The following GLCCI1 variants were observed in gnomAD, a reference collection of about 807,000 sequenced individuals.
GLCCI1 encodes glucocorticoid induced 1.
GLCCI1 carries 24 observed loss-of-function variants against 52.2 expected under a neutral mutation model. The observed-to-expected ratio is 0.46, with a 90% confidence interval of 0.33 to 0.65. GLCCI1 has a LOEUF of 0.65. GLCCI1 is among the 30% of genes least tolerant of loss of function. GLCCI1 has a pLI of 0.02. For synonymous variants in GLCCI1, 310 were observed against 276.5 expected (o/e 1.12, Z -1.20); for missense variants, 704 against 701.5 (o/e 1.00, Z -0.04).
rs779808284 is a variant in GLCCI1, at chr7:8,070,996, A to T, written c.1042A>T (p.Thr348Ser). 6.2e-7 allele frequency: 1 copy of T among 1,614,130 alleles called. No individual in the cohort carries two copies. Among genetic ancestry groups the T allele is most frequent in the Non-Finnish European group, 8.5e-7 (1 of 1,180,012 alleles). Residue 348 changes from threonine (T) to serine (S), a missense_variant, in exon 6 of 8, where the codon ACT (threonine) becomes TCT (serine). By Grantham distance (58) the Thr-to-Ser change is moderately conservative. Around this residue, in one of 3 missense-constraint regions of GLCCI1, gnomAD observed 547 missense variants for 524.8 expected, o/e 1.04. Transcript: ENST00000223145. ...YRSSSTRSID[T>S]QTPSVQERSS... is the part of the protein sequence containing the mutation. ...GAGCAGTAGTACTCGCAGCATTGACACTCAGACTCCTTCTGTCCAGGAGCG... is the reference window on the plus strand; with the variant it reads ...GAGCAGTAGTACTCGCAGCATTGACTCTCAGACTCCTTCTGTCCAGGAGCG...
At chr7:8,036,388 C>G (rs537611510) in intron 3 of GLCCI1, among the ~76,000 whole-genome samples, 3 of 152,116 alleles carry the variant, frequency 2.0e-5, no homozygotes, top group East Asian at 1.9e-4. Context: ...TAGTCTCATC[C>G]TTAAGATGGA....
chr7:8,057,080 C>T (rs1426630226), intron 4 of GLCCI1, among the ~76,000 whole-genome samples: 1 of 152,136 alleles, frequency 6.6e-6, no homozygotes, highest in African/African-American at 2.4e-5. Flanking sequence ...ACAACCAGAA[C>T]AGCCACACAT....
chr7:8,068,654 G>C (rs1782686595), intron 5 of GLCCI1, among the ~76,000 whole-genome samples: 1 of 151,834 alleles, frequency 6.6e-6, no homozygotes, highest in South Asian at 2.1e-4. Flanking sequence ...ATTCCAACCT[G>C]TTTAAGAACC....
chr7:8,085,709 T>C (rs1285719940), intron 7 of GLCCI1, among the ~76,000 whole-genome samples: 1 of 140,432 alleles, frequency 7.1e-6, no homozygotes, highest in East Asian at 2.1e-4. Context: ...TCTGTTGAAT[T>C]GACTGGCTTT....
intron 4 of GLCCI1, among the ~76,000 whole-genome samples, chr7:8,059,164 G>A (rs1054408337): frequency 6.6e-6 from 1 of 152,046 alleles, no homozygotes; most frequent in Non-Finnish European, 1.5e-5. Flanking sequence ...TGTTGTTCGA[G>A]GGTCAACAGT....
At chr7:8,079,099 A>T (rs1782936407) in intron 6 of GLCCI1, among the ~76,000 whole-genome samples, 1 of 152,170 alleles carries the variant, frequency 6.6e-6, no homozygotes, top group Non-Finnish European at 1.5e-5. Context: ...TAGAAGTTCC[A>T]ATGTTCTTTT....
At chr7:8,021,676 T>G (rs1247105304) in intron 2 of GLCCI1, among the ~76,000 whole-genome samples, 1 of 152,256 alleles carries the variant, frequency 6.6e-6, no homozygotes, top group Non-Finnish European at 1.5e-5. Context: ...GTGCTGGGAT[T>G]ACAGGTGTGA....
intron 1 of GLCCI1, among the ~76,000 whole-genome samples, chr7:7,988,313 A>C (rs986163123): frequency 1.3e-5 from 2 of 152,092 alleles, no homozygotes; most frequent in African/African-American, 2.4e-5. Flanking sequence ...GTTTTTTACT[A>C]TCAGGTGTAT....
rs572080987 is a variant in GLCCI1 at position 8,075,749 on chromosome 7, C to T, written c.1177+4618C>T. Among the ~76,000 whole-genome samples, 158 of 152,262 alleles carry T rather than the reference C, an allele frequency of 1.0e-3. 2 individuals carry two copies. Among genetic ancestry groups the T allele is most frequent in the African/African-American group, 3.7e-3 (152 of 41,542 alleles). ...ATTGTAATCATGAAATAAATGGAAT[C>T]GTTTGATTCAGGCCAACTACTGAGT... On this transcript the variant is annotated intron_variant, in intron 6 of 7. Coordinates refer to ENST00000223145, the MANE Select transcript of GLCCI1 (RefSeq NM_138426.4).
At chr7:8,012,345 AG>A (rs1315891071) in intron 2 of GLCCI1, among the ~76,000 whole-genome samples, 6 of 148,618 alleles carry the variant, frequency 4.0e-5, no homozygotes, top group African/African-American at 1.5e-4. Context: ...GAGTTTTAGG[AG>A]TTCTTTATAT....
At chr7:8,007,879 CTT>C (rs1194106155) in intron 2 of GLCCI1, among the ~76,000 whole-genome samples, 1 of 152,092 alleles carries the variant, frequency 6.6e-6, no homozygotes, top group Non-Finnish European at 1.5e-5. Flanking sequence ...AGATTGTAGA[CTT>C]TGGAACCAGA....
At position 8,085,031 on chromosome 7, in the gene GLCCI1, T is replaced by G. The variant is rs1414623537; in HGVS notation, c.1298+14T>G. 1.2e-6 allele frequency: 2 copies of G among 1,613,284 alleles called. No homozygotes were observed. Among genetic ancestry groups the G allele is most frequent in the Non-Finnish European group, 8.5e-7 (1 of 1,179,740 alleles). On this transcript the variant is annotated intron_variant, in intron 7 of 7. Transcript: ENST00000223145. ...TGAGGAAATGGCGTAAGTAATGTCT[T>G]TTTTGTCAGCTGGGATCTGCAAAGC...
rs116422928 is a variant in GLCCI1, at chr7:8,006,278, T to G, written c.609+2219T>G. On this transcript the variant is annotated intron_variant, in intron 2 of 7. Transcript: ENST00000223145. Reference sequence around the variant, plus strand: ...GATGCTAAAGAGAGGTCATGGTGATTAAGGACCACATTTAGGGATCAGAGG... The same window carrying G: ...GATGCTAAAGAGAGGTCATGGTGATGAAGGACCACATTTAGGGATCAGAGG... 8.2e-3 allele frequency among the ~76,000 whole-genome samples: 1,249 copies of G among 152,250 alleles called. 21 individuals are homozygous for G. The highest frequency in any genetic ancestry group is 0.028 in the African/African-American group (1,180 of 41,562).
chr7:8,034,653 CTT>C (rs1343956279), intron 3 of GLCCI1, among the ~76,000 whole-genome samples: 1 of 152,174 alleles, frequency 6.6e-6, no homozygotes, highest in Non-Finnish European at 1.5e-5. Flanking sequence ...ATAATCATAA[CTT>C]GAATAGAATA....
At chr7:8,001,993 G>A (rs1781058530) in intron 1 of GLCCI1, among the ~76,000 whole-genome samples, 1 of 152,086 alleles carries the variant, frequency 6.6e-6, no homozygotes, top group African/African-American at 2.4e-5. Flanking sequence ...AATCCCTAAT[G>A]TAAATGACAA....
At chr7:8,051,132 A>G (rs1451170596) in intron 3 of GLCCI1, among the ~76,000 whole-genome samples, 1 of 152,244 alleles carries the variant, frequency 6.6e-6, no homozygotes, top group Non-Finnish European at 1.5e-5. Flanking sequence ...TTGAATTATA[A>G]TTTGTTTAAA....
chr7:8,060,353 A>T lies in GLCCI1; in HGVS notation c.966+105A>T, dbSNP rs76300653. 31 of 849,832 alleles carry T rather than the reference A, an allele frequency of 3.6e-5. No homozygotes were observed. In the East Asian group the frequency reaches 6.8e-4, roughly 19 times the overall value. The allele number at this position is 849,832 out of a possible 1,614,324, so 52.6% of individuals were successfully genotyped here. A position where few individuals can be genotyped will look rare whatever the true frequency, so the allele number is the denominator to read the frequency against. On this transcript the variant is annotated intron_variant, in intron 5 of 7. Coordinates refer to ENST00000223145, the MANE Select transcript of GLCCI1 (RefSeq NM_138426.4). ...TTTGTTAAGATATAATTCACATACCATCCAGTTTACTCATTTAGTGTACAA... is the reference window on the plus strand; with the variant it reads ...TTTGTTAAGATATAATTCACATACCTTCCAGTTTACTCATTTAGTGTACAA...
At chr7:8,046,651 G>A (rs1443380703) in intron 3 of GLCCI1, among the ~76,000 whole-genome samples, 2 of 152,112 alleles carry the variant, frequency 1.3e-5, no homozygotes, top group African/African-American at 4.8e-5. Context: ...CCCCTGTCTC[G>A]AGTTGTCCTG....
intron 4 of GLCCI1, among the ~76,000 whole-genome samples, chr7:8,056,584 C>T (rs896907351): frequency 3.9e-5 from 6 of 152,038 alleles, no homozygotes; most frequent in Admixed American, 2.0e-4. Flanking sequence ...GAAACCCAAG[C>T]AGTATATCAA....
Sources: gnomAD v4.1 joint callset for allele counts (sites outside exome capture counted in the v4.1 genomes callset) on GRCh38, gnomAD v4.1.1 for gene constraint, gnomAD v4.1.1 regional missense constraint, MANE v1.5 for transcripts, NCBI Gene and HGNC (gene_info 2026-07-23, HGNC 2026-07-21) for gene names.